Variants in TPO observed in about 807,000 individuals in gnomAD.
The protein encoded by TPO is thyroid peroxidase.
TPO carries 78 observed loss-of-function variants against 96.9 expected under a neutral mutation model. The ratio of observed to expected loss-of-function variants is 0.81; its 90% confidence interval spans 0.67 to 0.97. TPO has a LOEUF of 0.97. Among genes scored for constraint, TPO ranks in the 50% least tolerant of loss-of-function variants. TPO has a pLI of 0.00. For missense variants in TPO, 1,252 were observed against 1,274.8 expected, an observed-to-expected ratio of 0.98 and a Z score of 0.27; for synonymous variants, 547 against 538.0, an observed-to-expected ratio of 1.02 and a Z score of -0.23.
chr2:1,480,850 T>TCCCTCCTCCTGCATCCGTCC (rs1296928653), intron 8 of TPO, among the ~76,000 whole-genome samples: 1 of 60,622 alleles, frequency 1.6e-5, no homozygotes, highest in Admixed American at 1.9e-4. Context: ...GTCCTCACCA[T>TCCCTCCTCCTGCATCCGTCC]ACCCACTCTA....
At chr2:1,401,332 G>A (rs1662168161) in intron 1 of TPO, among the ~76,000 whole-genome samples, 1 of 152,212 alleles carries the variant, frequency 6.6e-6, no homozygotes, top group Non-Finnish European at 1.5e-5. Context: ...CCTCTCAGAT[G>A]GATGGGGAAG....
At chr2:1,399,970 G>A (rs780443486) in intron 1 of TPO, among the ~76,000 whole-genome samples, 23 of 152,296 alleles carry the variant, frequency 1.5e-4, no homozygotes, top group South Asian at 1.0e-3. Context: ...ACCCATGGCC[G>A]CCACCCTTCC....
Position 1,477,091 on chromosome 2 carries a change from G to A in TPO, c.825G>A (p.Pro275=), listed in dbSNP as rs1231033805. 13 of 1,603,808 alleles carry A rather than the reference G, an allele frequency of 8.1e-6. No individual in the cohort carries two copies. In the East Asian group the frequency reaches 1.1e-4, roughly 14 times the overall value. The part of the protein sequence containing the change: ...NQNPCFPIQL[P]EEARPAAGTA... ...GAACTCCCCTTTGCCTGCAGCTCCCGGAGGAGGCCCGGCCGGCCGCGGGCA... is the reference window on the plus strand; with the variant it reads ...GAACTCCCCTTTGCCTGCAGCTCCCAGAGGAGGCCCGGCCGGCCGCGGGCA... The change falls in exon 8 of 17, where the codon CCG becomes CCA. Residue 275 remains proline (P), a synonymous_variant. Transcript: ENST00000329066.
chr2:1,385,660 A>T (rs999530313), intron 1 of TPO, among the ~76,000 whole-genome samples: 1 of 151,892 alleles, frequency 6.6e-6, no homozygotes, highest in Non-Finnish European at 1.5e-5. Flanking sequence ...CAAAAAAAAA[A>T]CCAGCTCCTG....
At chr2:1,421,523 C>A (rs1003455156) in intron 2 of TPO, among the ~76,000 whole-genome samples, 6 of 152,196 alleles carry the variant, frequency 3.9e-5, no homozygotes, top group African/African-American at 1.2e-4. Flanking sequence ...CCCAAAAGCA[C>A]CAGAGTCCTG....
chr2:1,521,633 C>T (rs1020402184), intron 15 of TPO, among the ~76,000 whole-genome samples: 1 of 152,106 alleles, frequency 6.6e-6, no homozygotes, highest in Non-Finnish European at 1.5e-5. Context: ...TAGGGAAGTC[C>T]GAGAGAACTG....
chr2:1,392,210 G>T (rs574828272), intron 1 of TPO, among the ~76,000 whole-genome samples: 1 of 152,234 alleles, frequency 6.6e-6, no homozygotes, highest in East Asian at 1.9e-4. Context: ...GTTTTTAGCA[G>T]GAAAGGCTGC....
intron 1 of TPO, among the ~76,000 whole-genome samples, chr2:1,376,972 A>C (rs1469110919): frequency 6.6e-6 from 1 of 152,218 alleles, no homozygotes; most frequent in African/African-American, 2.4e-5. Flanking sequence ...AAATTACTTT[A>C]TATTTGGCAA....
At chr2:1,414,533 C>T in intron 2 of TPO, 31 bp downstream of exon 2, 1 of 1,599,490 alleles carries the variant, frequency 6.3e-7, no homozygotes, top group Non-Finnish European at 8.6e-7. Flanking sequence ...GGTCTTCTGG[C>T]CTTATAAAGT....
At chr2:1,461,453 C>T (rs558290526) in intron 7 of TPO, among the ~76,000 whole-genome samples, 2 of 152,196 alleles carry the variant, frequency 1.3e-5, no homozygotes, top group Non-Finnish European at 2.9e-5. Flanking sequence ...CCTGGGTAGG[C>T]TGGCCCTGGG....
intron 14 of TPO, among the ~76,000 whole-genome samples, chr2:1,507,391 TTTAAA>T (rs1237938849): frequency 6.6e-6 from 1 of 152,234 alleles, no homozygotes; most frequent in African/African-American, 2.4e-5. Flanking sequence ...CCATATGAAC[TTTAAA>T]GTAGTTTTTT....
chr2:1,392,485 C>G (rs867399213), intron 1 of TPO, among the ~76,000 whole-genome samples: 1 of 152,076 alleles, frequency 6.6e-6, no homozygotes, highest in African/African-American at 2.4e-5. Context: ...TGTGTCTCTG[C>G]CAGGCTTTGG....
chr2:1,521,913 G>T (rs940462267), intron 15 of TPO, among the ~76,000 whole-genome samples: 1 of 152,010 alleles, frequency 6.6e-6, no homozygotes, highest in Non-Finnish European at 1.5e-5. Context: ...TAAACGCATT[G>T]TCCAGTTTCC....
intron 3 of TPO, among the ~76,000 whole-genome samples, chr2:1,425,302 C>A (rs1302827737): frequency 2.0e-5 from 3 of 152,252 alleles, no homozygotes; most frequent in Non-Finnish European, 4.4e-5. Flanking sequence ...TGCCGGGATA[C>A]AGAGATGAGT....
chr2:1,529,833 C>G (rs1224657155), intron 15 of TPO, among the ~76,000 whole-genome samples: 1 of 129,552 alleles, frequency 7.7e-6, no homozygotes, highest in South Asian at 2.5e-4. Context: ...CTCCCCAAAT[C>G]CCCCCGACGC....
At chr2:1,388,698 G>A (rs368406590) in intron 1 of TPO, among the ~76,000 whole-genome samples, 3 of 152,082 alleles carry the variant, frequency 2.0e-5, no homozygotes, top group Admixed American at 6.6e-5. Flanking sequence ...GCTCACACTC[G>A]GTGTGCTGCA....
At chr2:1,478,416 C>G (rs1350444015) in intron 8 of TPO, 1 of 983,496 alleles carries the variant, frequency 1.0e-6, no homozygotes, top group Non-Finnish European at 1.2e-6. Flanking sequence ...AGGTGCGCGT[C>G]AGTCCTGTTC....
At chr2:1,540,544 A>G in intron 15 of TPO, 50 bp from the exon 16 acceptor site, 1 of 1,607,930 alleles carries the variant, frequency 6.2e-7, no homozygotes, top group African/African-American at 1.3e-5. Flanking sequence ...TACCCTCCAC[A>G]GTCACGGTGC....
intron 15 of TPO, among the ~76,000 whole-genome samples, chr2:1,529,916 A>AC (rs1677661729): frequency 2.6e-5 from 2 of 77,098 alleles, no homozygotes; most frequent in African/African-American, 6.3e-5. Flanking sequence ...CAAACTCCCC[A>AC]AACCCCCCCC....
Sources: allele counts gnomAD v4.1 joint callset (sites outside exome capture counted in the v4.1 genomes callset), GRCh38; gene constraint gnomAD v4.1.1; transcripts MANE v1.5; gene names NCBI Gene and HGNC (gene_info 2026-07-23, HGNC 2026-07-21).